Variants in TLL1 observed in about 807,000 individuals in gnomAD.
TLL1 encodes the protein tolloid-like protein 1.
A neutral mutation model predicts 128.2 loss-of-function variants in TLL1; 49 were observed. That is an observed-to-expected ratio of 0.38 (90% CI 0.30 to 0.48). TLL1 has a LOEUF of 0.48. Among genes scored for constraint, TLL1 ranks in the 20% least tolerant of loss-of-function variants. TLL1 has a pLI of 0.96. For synonymous variants in TLL1, 454 were observed against 418.8 expected (o/e 1.08, Z -1.03); for missense variants, 1,123 against 1,242.0 (o/e 0.90, Z 1.44).
In TLL1 at chr4:165,902,243, G is replaced by C. The variant is rs186628768; in HGVS notation, c.169+28170G>C. Among the ~76,000 whole-genome samples the C allele has an allele frequency of 6.4e-4, 97 of 152,114 alleles. 2 individuals carry two copies. The highest frequency in any genetic ancestry group is 6.2e-3 in the Admixed American group (94 of 15,284). The stretch of plus-strand genomic sequence containing the variant: ...TCCCTGGCTTCAGCCCCCTTTCCAG[G>C]GGAGTGAACAGTTCTGTCTCACTGG... On this transcript the variant is annotated intron_variant, in intron 1 of 20. Transcript: ENST00000061240.
At chr4:165,884,142 A>G (rs1295068814) in intron 1 of TLL1, among the ~76,000 whole-genome samples, 1 of 152,202 alleles carries the variant, frequency 6.6e-6, no homozygotes, top group Non-Finnish European at 1.5e-5. Context: ...TACCCGAGGG[A>G]TTTACAGAAG....
In TLL1 at chr4:166,104,060, T is replaced by A. The variant is rs1209983164; in HGVS notation, c.*3184T>A. On this transcript the variant is annotated 3_prime_UTR_variant, in exon 21 of 21. Coordinates refer to ENST00000061240, the MANE Select transcript of TLL1 (RefSeq NM_012464.5). ...TTGCTACCTGTCGCTCATTTTAATA[T>A]GTCACAGTATGAGATTCAAATTCTG... Among the ~76,000 whole-genome samples, 1 of 151,954 alleles carries A rather than the reference T, an allele frequency of 6.6e-6. No homozygotes were observed. Among genetic ancestry groups the A allele is most frequent in the Non-Finnish European group, 1.5e-5 (1 of 67,918 alleles).
intron 1 of TLL1, among the ~76,000 whole-genome samples, chr4:165,887,986 A>G (rs923380492): frequency 4.6e-5 from 7 of 152,048 alleles, no homozygotes; most frequent in Non-Finnish European, 1.0e-4. Flanking sequence ...GATTTTTTAT[A>G]TTTTTACTTT....
At chr4:166,048,408 C>A (rs1739562023) in intron 12 of TLL1, among the ~76,000 whole-genome samples, 1 of 152,038 alleles carries the variant, frequency 6.6e-6, no homozygotes, top group Non-Finnish European at 1.5e-5. Flanking sequence ...GTAAACCACC[C>A]TATCTATGAT....
chr4:165,943,371 C>A (rs1734106489), intron 1 of TLL1, among the ~76,000 whole-genome samples: 1 of 151,946 alleles, frequency 6.6e-6, no homozygotes, highest in Admixed American at 6.6e-5. Context: ...CTCTTATAAA[C>A]CTTCTGAGAG....
intron 1 of TLL1, among the ~76,000 whole-genome samples, chr4:165,916,151 C>T (rs1732766907): frequency 6.6e-6 from 1 of 152,090 alleles, no homozygotes; most frequent in Non-Finnish European, 1.5e-5. Context: ...ATGATTTTCA[C>T]CCGTTTGAAG....
intron 1 of TLL1, among the ~76,000 whole-genome samples, chr4:165,947,857 T>A (rs542181455): frequency 2.6e-5 from 4 of 152,250 alleles, no homozygotes; most frequent in South Asian, 2.1e-4. Context: ...CACAAGATTG[T>A]TGAGAATTGT....
chr4:166,065,671 AT>A lies in TLL1; in HGVS notation c.2008-5del, dbSNP rs541847224. On this transcript the variant is annotated splice_polypyrimidine_tract_variant and intron_variant, in intron 15 of 20. Transcript: ENST00000061240. Reference sequence around the variant, plus strand: ...CACAAATCTGGCAACTGATAACCACATTTTTTTCTAGGTTTGCAAATATGAT... The same window carrying A: ...CACAAATCTGGCAACTGATAACCACATTTTTTCTAGGTTTGCAAATATGAT... 137 of 1,612,498 alleles carry A rather than the reference AT, an allele frequency of 8.5e-5. No individual in the cohort carries two copies. In the East Asian group the frequency reaches 1.7e-3, roughly 19 times the overall value.
intron 1 of TLL1, among the ~76,000 whole-genome samples, chr4:165,970,274 G>A (rs1735575338): frequency 6.6e-6 from 1 of 152,006 alleles, no homozygotes; most frequent in Non-Finnish European, 1.5e-5. Context: ...AAACATTGCT[G>A]TTTTCTTGTG....
intron 18 of TLL1, among the ~76,000 whole-genome samples, chr4:166,081,608 C>T (rs931487657): frequency 6.6e-6 from 1 of 152,124 alleles, no homozygotes; most frequent in African/African-American, 2.4e-5. Flanking sequence ...TGCTTTTCAC[C>T]TGGCTGTATG....
Position 166,091,200 on chromosome 4 carries a change from A to G in TLL1, c.2515A>G (p.Thr839Ala), listed in dbSNP as rs1033079220. The change falls in exon 19 of 21, where the codon ACA (threonine) becomes GCA (alanine). Residue 839 changes from threonine (T) to alanine (A), a missense_variant. Thr to Ala is a moderately conservative substitution (Grantham distance 58, BLOSUM62 0). Transcript: ENST00000061240. The stretch of plus-strand genomic sequence containing the variant: ...CCACTTAGAAGTATTTGATGGAGAA[A>G]CAGAAAAGTCACCGATTCTTGGACG... ...YDHLEVFDGE[T>A]EKSPILGRLC... 3 of 1,613,192 alleles carry G rather than the reference A, an allele frequency of 1.9e-6. No homozygotes were observed. The African/African-American group carries it at 4.0e-5, about 22-fold the overall frequency.
At chr4:165,877,131 A>T (rs1054172927) in intron 1 of TLL1, among the ~76,000 whole-genome samples, 1 of 152,348 alleles carries the variant, frequency 6.6e-6, no homozygotes, top group South Asian at 2.1e-4. Context: ...TCCTCAACAC[A>T]TTTGTGAAAT....
chr4:165,993,739 G>T (rs913671194), intron 3 of TLL1, among the ~76,000 whole-genome samples: 8 of 152,092 alleles, frequency 5.3e-5, no homozygotes, highest in African/African-American at 1.4e-4. Flanking sequence ...AAAGACTATA[G>T]ACTTGAAAGC....
intron 6 of TLL1, among the ~76,000 whole-genome samples, chr4:166,005,262 T>C (rs1737365298): frequency 6.6e-6 from 1 of 152,008 alleles, no homozygotes; most frequent in Non-Finnish European, 1.5e-5. Flanking sequence ...AGCCTTTGTA[T>C]GATCCTTATT....
intron 13 of TLL1, 95 bp downstream of exon 13, chr4:166,055,366 T>C: frequency 3.7e-6 from 4 of 1,073,994 alleles, no homozygotes; most frequent in South Asian, 1.3e-5. Flanking sequence ...GAAAGTTGTA[T>C]TGAAAGTTGA....
chr4:166,063,812 T>G (rs1339896492), intron 15 of TLL1, among the ~76,000 whole-genome samples: 2 of 151,388 alleles, frequency 1.3e-5, no homozygotes, highest in Non-Finnish European at 2.9e-5. Context: ...GGATACAGGG[T>G]GGGGAACATC....
intron 1 of TLL1, among the ~76,000 whole-genome samples, chr4:165,920,141 G>A (rs1204164386): frequency 6.6e-6 from 1 of 152,130 alleles, no homozygotes; most frequent in Non-Finnish European, 1.5e-5. Flanking sequence ...TCATTTCCCT[G>A]AGTTATCCAT....
intron 19 of TLL1, among the ~76,000 whole-genome samples, chr4:166,092,641 T>A (rs918848441): frequency 2.0e-5 from 3 of 152,114 alleles, no homozygotes; most frequent in Non-Finnish European, 4.4e-5. Context: ...TTAGAAAATA[T>A]CGTCATCATA....
At chr4:165,975,563 C>G (rs1447939868) in intron 1 of TLL1, among the ~76,000 whole-genome samples, 1 of 152,096 alleles carries the variant, frequency 6.6e-6, no homozygotes, top group Non-Finnish European at 1.5e-5. Context: ...GTGAATATAA[C>G]TTTGATACTA....
Sources: allele counts gnomAD v4.1 joint callset (sites outside exome capture counted in the v4.1 genomes callset), GRCh38; gene constraint gnomAD v4.1.1; transcripts MANE v1.5; gene names NCBI Gene and HGNC (gene_info 2026-07-23, HGNC 2026-07-21).